The following ADAMTSL1 variants were observed in gnomAD, a reference collection of about 807,000 sequenced individuals.
ADAMTSL1 encodes the protein ADAMTS-like protein 1.
In ADAMTSL1, 126 loss-of-function variants were observed where a neutral mutation model predicts 201.8. The ratio of observed to expected loss-of-function variants is 0.62; its 90% CI spans 0.54 to 0.72. ADAMTSL1 has a LOEUF of 0.72. Ranked by LOEUF, ADAMTSL1 falls within the 30% of genes least tolerant of loss-of-function variation. The pLI is 0.00. For synonymous variants in ADAMTSL1, 1,121 were observed against 903.4 expected (o/e 1.24, Z -4.32); for missense variants, 2,679 against 2,277.8 (o/e 1.18, Z -3.59).
At chr9:18,046,968 G>C (rs995363293) in intron 1 of ADAMTSL1, among the ~76,000 whole-genome samples, 1 of 152,114 alleles carries the variant, frequency 6.6e-6, no homozygotes. Flanking sequence ...ATGAAAATTA[G>C]ATCAGGGATG....
chr9:18,851,801 C>G (rs1826511178), intron 23 of ADAMTSL1, among the ~76,000 whole-genome samples: 1 of 152,204 alleles, frequency 6.6e-6, no homozygotes, highest in East Asian at 1.9e-4. Flanking sequence ...CCTTATCAGT[C>G]AAACTTTCCT....
chr9:18,234,563 C>T (rs1355744834), intron 2 of ADAMTSL1, among the ~76,000 whole-genome samples: 2 of 152,034 alleles, frequency 1.3e-5, no homozygotes, highest in Non-Finnish European at 2.9e-5. Flanking sequence ...AATAGAAGTG[C>T]CAGAGCCAAA....
chr9:18,103,144 G>A (rs968259908), intron 1 of ADAMTSL1, among the ~76,000 whole-genome samples: 1 of 152,058 alleles, frequency 6.6e-6, no homozygotes, highest in African/African-American at 2.4e-5. Context: ...AAATTTACAG[G>A]ATAAAGAGAT....
chr9:18,272,897 T>C (rs1055258554), intron 2 of ADAMTSL1, among the ~76,000 whole-genome samples: 24 of 152,232 alleles, frequency 1.6e-4, no homozygotes, highest in African/African-American at 5.8e-4. Flanking sequence ...TTTTGCCTTA[T>C]GTACTGCCTA....
chr9:17,986,177 G>A (rs771382065), intron 1 of ADAMTSL1, among the ~76,000 whole-genome samples: 35 of 152,020 alleles, frequency 2.3e-4, no homozygotes, highest in Admixed American at 6.6e-4. Flanking sequence ...TTTCCAAGGG[G>A]TATGCTTTAA....
chr9:18,395,674 T>C (rs1277102646), intron 2 of ADAMTSL1, among the ~76,000 whole-genome samples: 3 of 152,200 alleles, frequency 2.0e-5, no homozygotes, highest in Admixed American at 2.0e-4. Flanking sequence ...TCTATCATCC[T>C]TCTCAACTGC....
At chr9:17,987,400 A>G (rs1818971976) in intron 1 of ADAMTSL1, among the ~76,000 whole-genome samples, 1 of 152,138 alleles carries the variant, frequency 6.6e-6, no homozygotes, top group Admixed American at 6.6e-5. Context: ...TAAATGTCAC[A>G]GCAATCTGAC....
chr9:17,922,565 A>T (rs996455870), intron 1 of ADAMTSL1, among the ~76,000 whole-genome samples: 1 of 152,092 alleles, frequency 6.6e-6, no homozygotes, highest in Non-Finnish European at 1.5e-5. Flanking sequence ...ACCACAGAGG[A>T]TTCAGACACA....
At chr9:17,977,277 A>G (rs780803690) in intron 1 of ADAMTSL1, among the ~76,000 whole-genome samples, 10 of 152,178 alleles carry the variant, frequency 6.6e-5, no homozygotes, top group Middle Eastern at 3.4e-3. Flanking sequence ...CTGTTGGCCT[A>G]TGATTTTCTT....
At chr9:18,512,384 A>G (rs892028521) in intron 2 of ADAMTSL1, among the ~76,000 whole-genome samples, 3 of 152,126 alleles carry the variant, frequency 2.0e-5, no homozygotes, top group Non-Finnish European at 2.9e-5. Context: ...TGTTGTCCAT[A>G]ACATTTACTT....
chr9:18,141,551 A>G (rs1450368311), intron 1 of ADAMTSL1, among the ~76,000 whole-genome samples: 1 of 152,204 alleles, frequency 6.6e-6, no homozygotes, highest in Non-Finnish European at 1.5e-5. Flanking sequence ...GAGGCAGCAC[A>G]GAGGTGTCTA....
chr9:18,089,182 T>G (rs1403595740), intron 1 of ADAMTSL1, among the ~76,000 whole-genome samples: 1 of 151,906 alleles, frequency 6.6e-6, no homozygotes. Flanking sequence ...AACAAAAAAT[T>G]TGTGACTCTG....
chr9:18,604,071 GGCTGGA>G (rs1400372043), intron 4 of ADAMTSL1, among the ~76,000 whole-genome samples: 1 of 152,208 alleles, frequency 6.6e-6, no homozygotes, highest in Non-Finnish European at 1.5e-5. Context: ...TGCATCCATT[GGCTGGA>G]GCTGGACCTC....
chr9:18,310,280 A>G (rs1334441238), intron 2 of ADAMTSL1, among the ~76,000 whole-genome samples: 3 of 151,110 alleles, frequency 2.0e-5, no homozygotes, highest in Non-Finnish European at 4.4e-5. Flanking sequence ...GGCATGGGCA[A>G]ACACTTCATG....
intron 4 of ADAMTSL1, among the ~76,000 whole-genome samples, chr9:18,587,538 T>C (rs1346610654): frequency 6.6e-6 from 1 of 152,198 alleles, no homozygotes; most frequent in Non-Finnish European, 1.5e-5. Context: ...CAATAACTTA[T>C]TGTCACTATA....
intron 2 of ADAMTSL1, among the ~76,000 whole-genome samples, chr9:18,213,799 G>C (rs1312045005): frequency 1.3e-5 from 2 of 152,126 alleles, no homozygotes; most frequent in Non-Finnish European, 2.9e-5. Context: ...GAGTGCAGTG[G>C]TGCGATCTCG....
At chr9:18,317,376 G>A (rs1457778797) in intron 2 of ADAMTSL1, among the ~76,000 whole-genome samples, 2 of 144,096 alleles carry the variant, frequency 1.4e-5, no homozygotes, top group East Asian at 2.1e-4. Context: ...CTAAGAAAGT[G>A]TATCTTAAGT....
intron 1 of ADAMTSL1, among the ~76,000 whole-genome samples, chr9:18,149,030 A>C (rs1826782837): frequency 1.3e-5 from 2 of 152,046 alleles, no homozygotes; most frequent in Admixed American, 1.3e-4. Context: ...CTCCAATAGA[A>C]AGTGTTTATG....
chr9:18,103,709 G>A (rs555988800), intron 1 of ADAMTSL1, among the ~76,000 whole-genome samples: 42 of 152,192 alleles, frequency 2.8e-4, no homozygotes, highest in African/African-American at 9.9e-4. Context: ...TGTCATATGA[G>A]GAATTTTTTT....
Sources: allele counts gnomAD v4.1 joint callset (sites outside exome capture counted in the v4.1 genomes callset), GRCh38; gene constraint gnomAD v4.1.1; transcripts MANE v1.5; gene names NCBI Gene and HGNC (gene_info 2026-07-23, HGNC 2026-07-21).